The following KIF2C variants were observed in gnomAD, a reference collection of about 807,000 sequenced individuals.
KIF2C encodes kinesin family member 2C, also known as kinesin-like protein KIF2C.
KIF2C carries 34 observed loss-of-function variants against 97.4 expected under a neutral mutation model. That is an observed-to-expected ratio of 0.35 (90% CI 0.27 to 0.46). The LOEUF is 0.46. Among genes scored for constraint, KIF2C ranks in the 20% least tolerant of loss-of-function variants. The pLI is 1.00. For missense variants in KIF2C, 750 were observed against 907.6 expected, an observed-to-expected ratio of 0.83 and a Z score of 2.23; for synonymous variants, 313 against 318.2, an observed-to-expected ratio of 0.98 and a Z score of 0.17.
Position 44,760,413 on chromosome 1 carries a change from G to C in KIF2C, c.1501G>C (p.Asp501His). 6.2e-7 allele frequency: 1 copy of C among 1,614,224 alleles called. No individual in the cohort carries two copies. The highest frequency in any genetic ancestry group is 8.5e-7 in the Non-Finnish European group (1 of 1,180,042). ...TCTGGCAGGGAATGAGCGAGGCGCG[G>C]ACACTTCCAGTGCTGACCGGCAGAC... ...VDLAGNERGA[D>H]TSSADRQTRM... Residue 501 changes from aspartate to histidine, a missense_variant, in exon 15 of 21, where the codon GAC becomes CAC. Asp to His is a moderately conservative substitution (Grantham distance 81). Coordinates refer to ENST00000372224, the MANE Select transcript of KIF2C (RefSeq NM_006845.4). This position sits in a 1 kb window ranked among gnomAD's most constrained non-coding sequence, Gnocchi z 4.2.
At chr1:44,765,909 A>C (rs1268557331) in intron 19 of KIF2C, among the ~76,000 whole-genome samples, 1 of 152,152 alleles carries the variant, frequency 6.6e-6, no homozygotes, top group Non-Finnish European at 1.5e-5. Flanking sequence ...AAAATTAGCC[A>C]GGCATGGTGG....
intron 10 of KIF2C, among the ~76,000 whole-genome samples, chr1:44,756,873 C>T (rs1211226585): frequency 6.6e-6 from 1 of 151,162 alleles, no homozygotes; most frequent in African/African-American, 2.4e-5. Flanking sequence ...CTTTCTAATA[C>T]AGCACCCAGT....
intron 5 of KIF2C, among the ~76,000 whole-genome samples, chr1:44,750,936 G>A (rs1372627156): frequency 6.6e-6 from 1 of 152,096 alleles, no homozygotes; most frequent in Non-Finnish European, 1.5e-5. Context: ...CAGTCTTTTG[G>A]AAGAGGTGAA....
At chr1:44,755,778 A>G in intron 8 of KIF2C, 151 bp from the exon 9 acceptor site, 1 of 666,496 alleles carries the variant, frequency 1.5e-6, no homozygotes, top group South Asian at 1.8e-5. Flanking sequence ...GCTCTGGAGT[A>G]TCTAATGGAG....
intron 4 of KIF2C, 106 bp downstream of exon 4, chr1:44,747,806 G>A: frequency 1.1e-6 from 1 of 910,684 alleles, no homozygotes; most frequent in South Asian, 1.5e-5. Flanking sequence ...TTTCTATGTG[G>A]GTTGAGTCCT....
At chr1:44,745,560 G>A (rs1298900811) in intron 2 of KIF2C, among the ~76,000 whole-genome samples, 3 of 128,756 alleles carry the variant, frequency 2.3e-5, no homozygotes, top group Admixed American at 9.4e-5. Context: ...TGCAACCTCC[G>A]CCTCCCGGGT....
rs558011357 is a variant in KIF2C, at chr1:44,760,156, G to A, written c.1368-124G>A. On this transcript the variant is annotated intron_variant, in intron 14 of 20. Transcript: ENST00000372224. The surrounding 1 kb of genome is among the most constrained non-coding windows in gnomAD (Gnocchi z 4.2). ...CCCAGGGAGGGCAAGATGGAAGCCT[G>A]GGACAGGAAAACAGGACTTTTTCGC... 9.0e-6 allele frequency: 7 copies of A among 780,020 alleles called. No individual in the cohort carries two copies. The African/African-American group carries it at 1.2e-4, about 13-fold the overall frequency. 48.3% of individuals were successfully genotyped at this position (780,020 alleles called of 1,614,324 possible). A position where few individuals can be genotyped will look rare whatever the true frequency, so the allele number is the denominator to read the frequency against.
In KIF2C at chr1:44,766,958, G is replaced by A; in HGVS notation, c.2095+9G>A. 22 of 1,614,164 alleles carry A rather than the reference G, an allele frequency of 1.4e-5. No homozygotes were observed. Among genetic ancestry groups the A allele is most frequent in the Non-Finnish European group, 1.8e-5 (21 of 1,180,000 alleles). On this transcript the variant is annotated intron_variant, in intron 20 of 20. Transcript: ENST00000372224. ...TTTCTCAGCCCTGCGAGGTGGGTGTGGCTGGATGGGGTGCAGGTGGACGAT... is the reference window on the plus strand; with the variant it reads ...TTTCTCAGCCCTGCGAGGTGGGTGTAGCTGGATGGGGTGCAGGTGGACGAT...
At chr1:44,764,949 G>A (rs1208247171) in intron 19 of KIF2C, among the ~76,000 whole-genome samples, 3 of 151,880 alleles carry the variant, frequency 2.0e-5, no homozygotes, top group African/African-American at 7.3e-5. Context: ...GTGAAACCCC[G>A]TCTCTACTAA....
At chr1:44,761,584 G>A (rs1410944406) in intron 16 of KIF2C, among the ~76,000 whole-genome samples, 2 of 151,730 alleles carry the variant, frequency 1.3e-5, no homozygotes, top group African/African-American at 4.8e-5. Context: ...CTCTGGTCTG[G>A]GCGACAGAGT....
Position 44,757,898 on chromosome 1 carries a change from C to T in KIF2C, c.1069-10C>T. 1 of 1,613,856 alleles carries T rather than the reference C, an allele frequency of 6.2e-7. No individual in the cohort carries two copies. Among genetic ancestry groups the T allele is most frequent in the South Asian group, 1.1e-5 (1 of 91,072 alleles). On this transcript the variant is annotated splice_polypyrimidine_tract_variant and intron_variant, in intron 11 of 20. Coordinates refer to ENST00000372224, the MANE Select transcript of KIF2C (RefSeq NM_006845.4). The stretch of plus-strand genomic sequence containing the variant: ...CCTTTTCCATGGTCTTCTACCCCTT[C>T]CCTTTGCAGACTATGGGCGGAGACC...
At chr1:44,745,637 ATT>A (rs1265723284) in intron 2 of KIF2C, among the ~76,000 whole-genome samples, 3 of 150,344 alleles carry the variant, frequency 2.0e-5, no homozygotes, top group African/African-American at 7.3e-5. Flanking sequence ...CACCTGGCTA[ATT>A]TTTTATTTTT....
At position 44,747,662 on chromosome 1, in the gene KIF2C, G is replaced by A. The variant is rs760237957; in HGVS notation, c.278G>A (p.Arg93Gln). 5.5e-5 allele frequency: 89 copies of A among 1,613,788 alleles called. No individual in the cohort carries two copies. Among genetic ancestry groups the A allele is most frequent in the Non-Finnish European group, 7.1e-5 (84 of 1,179,852 alleles). The change falls in exon 4 of 21, where the codon CGG becomes CAG. Residue 93 changes from arginine (R) to glutamine (Q), a missense_variant. Coordinates refer to ENST00000372224, the MANE Select transcript of KIF2C (RefSeq NM_006845.4). ...QENVTIQKQKRRSVNSKIPAP... is the reference protein window; with the variant it reads ...QENVTIQKQKQRSVNSKIPAP... ...TGATTTGTTTTTCAGAAACAAAAACGGAGATCCGTCAACTCCAAAATTCCT... is the reference window on the plus strand; with the variant it reads ...TGATTTGTTTTTCAGAAACAAAAACAGAGATCCGTCAACTCCAAAATTCCT...
At chr1:44,752,333 A>G (rs1649574984) in intron 5 of KIF2C, among the ~76,000 whole-genome samples, 1 of 148,646 alleles carries the variant, frequency 6.7e-6, no homozygotes, top group Admixed American at 6.7e-5. Flanking sequence ...ACGGGGTTTC[A>G]CTCTGTTAGC....
intron 4 of KIF2C, among the ~76,000 whole-genome samples, chr1:44,748,918 A>G (rs1195349216): frequency 6.6e-6 from 1 of 151,856 alleles, no homozygotes; most frequent in East Asian, 1.9e-4. Flanking sequence ...AGCTTCAAGC[A>G]GTCCTCCTGC....
chr1:44,740,130 C>G (rs1648860983), intron 1 of KIF2C, 128 bp downstream of exon 1: 1 of 1,095,364 alleles, frequency 9.1e-7, no homozygotes, highest in African/African-American at 1.5e-5. Flanking sequence ...CACACGCACT[C>G]ACTCCGGGTC....
intron 19 of KIF2C, among the ~76,000 whole-genome samples, chr1:44,765,994 G>A (rs1371257139): frequency 6.6e-6 from 1 of 152,186 alleles, no homozygotes; most frequent in Admixed American, 6.5e-5. Context: ...GGAGGTTGCA[G>A]TGAGCCGAGA....
At chr1:44,740,126 C>A in intron 1 of KIF2C, 124 bp downstream of exon 1, 2 of 1,156,294 alleles carry the variant, frequency 1.7e-6, no homozygotes, top group South Asian at 1.2e-5. Context: ...TTTTCACACG[C>A]ACTCACTCCG....
chr1:44,766,752 A>T, intron 19 of KIF2C, 74 bp from the exon 20 acceptor site: 1 of 1,542,806 alleles, frequency 6.5e-7, no homozygotes, highest in Non-Finnish European at 8.9e-7. Context: ...AGGTGTCTGC[A>T]TTGCAGTTGG....
Sources: allele counts gnomAD v4.1 joint callset (sites outside exome capture counted in the v4.1 genomes callset), GRCh38; gene constraint gnomAD v4.1.1; non-coding constraint Gnocchi (gnomAD v3.1); transcripts MANE v1.5; gene names NCBI Gene and HGNC (gene_info 2026-07-23, HGNC 2026-07-21).